Variants in TRPC4 observed in about 807,000 individuals in gnomAD.
TRPC4 encodes short transient receptor potential channel 4.
Under a neutral mutation model 99.4 loss-of-function variants are expected in TRPC4, and 49 were observed. The ratio of observed to expected loss-of-function variants is 0.49; its 90% CI spans 0.39 to 0.63. The LOEUF is 0.63. Among genes scored for constraint, TRPC4 ranks in the 20% least tolerant of loss-of-function variants. The probability of loss-of-function intolerance (pLI) is 0.00; values close to 1 mark genes in which losing one functional copy is unlikely to be tolerated. For synonymous variants in TRPC4, 454 were observed against 425.9 expected (o/e 1.07, Z -0.81); for missense variants, 898 against 1,152.9 (o/e 0.78, Z 3.20).
intron 3 of TRPC4, among the ~76,000 whole-genome samples, chr13:37,727,720 A>G (rs938449605): frequency 6.6e-6 from 1 of 152,044 alleles, no homozygotes; most frequent in East Asian, 1.9e-4. Context: ...TGAAAACACT[A>G]CTACTAATTC....
At position 37,637,330 on chromosome 13, in the gene TRPC4, A is replaced by T; in HGVS notation, c.2507T>A (p.Val836Glu). ...GTTTTTGATATCGGTCACAAAATTC[A>T]CTTTTCTCTGCTTCTCCCTGGGCGG... ...QEPPREKQRK[V>E]NFVTDIKNFG... Residue 836 changes from valine to glutamate, a missense_variant, in exon 11 of 11, where the codon GTG (valine) becomes GAG (glutamate). Coordinates refer to ENST00000379705, the MANE Select transcript of TRPC4 (RefSeq NM_016179.4). The T allele has an allele frequency of 1.2e-6, 2 of 1,613,748 alleles. No homozygotes were observed. Among genetic ancestry groups the T allele is most frequent in the East Asian group, 2.2e-5 (1 of 44,872 alleles).
At chr13:37,703,767 A>AGTTTG (rs1230259629) in intron 3 of TRPC4, among the ~76,000 whole-genome samples, 1 of 152,172 alleles carries the variant, frequency 6.6e-6, no homozygotes, top group African/African-American at 2.4e-5. Context: ...AAGAGTTTGC[A>AGTTTG]GTTTGGTTTG....
chr13:37,857,175 A>C (rs1246497298), intron 1 of TRPC4, among the ~76,000 whole-genome samples: 4 of 151,742 alleles, frequency 2.6e-5, no homozygotes, highest in Non-Finnish European at 5.9e-5. Flanking sequence ...CCCATTTACA[A>C]TAGCCACACA....
Position 37,678,560 on chromosome 13 carries a change from A to G in TRPC4, c.1235-4193T>C, listed in dbSNP as rs1390985185. Among the ~76,000 whole-genome samples the G allele has an allele frequency of 2.6e-5, 4 of 152,072 alleles. 1 individual carries two copies. The highest frequency in any genetic ancestry group is 2.6e-4 in the Admixed American group (4 of 15,264). On this transcript the variant is annotated intron_variant, in intron 4 of 10. Transcript: ENST00000379705. ...AACTTTAAAACTCACTCAAGAGGAC[A>G]TAAAGCAACCTGAATAGTCCTATAG...
At chr13:37,704,814 A>AT (rs765315560) in intron 3 of TRPC4, among the ~76,000 whole-genome samples, 84 of 152,200 alleles carry the variant, frequency 5.5e-4, no homozygotes, top group Non-Finnish European at 9.6e-4. Context: ...CTTAATTATC[A>AT]TGGCATATCA....
At chr13:37,781,359 A>G (rs1327651461) in intron 2 of TRPC4, among the ~76,000 whole-genome samples, 2 of 152,094 alleles carry the variant, frequency 1.3e-5, no homozygotes, top group Non-Finnish European at 2.9e-5. Flanking sequence ...TGTACAATAT[A>G]ATATCATTGC....
chr13:37,807,643 C>G (rs1260577545), intron 1 of TRPC4, among the ~76,000 whole-genome samples: 1 of 152,016 alleles, frequency 6.6e-6, no homozygotes, highest in Non-Finnish European at 1.5e-5. Context: ...TCTGGACCCA[C>G]TCTAAAGCAT....
At chr13:37,790,379 C>T (rs1405768333) in intron 1 of TRPC4, among the ~76,000 whole-genome samples, 1 of 152,208 alleles carries the variant, frequency 6.6e-6, no homozygotes, top group East Asian at 1.9e-4. Flanking sequence ...GCACATCCCC[C>T]ATGAGACTGC....
chr13:37,769,764 A>G (rs1277872506), intron 2 of TRPC4, among the ~76,000 whole-genome samples: 3 of 151,518 alleles, frequency 2.0e-5, no homozygotes, highest in Non-Finnish European at 4.4e-5. Context: ...GCATCAGCAT[A>G]TTTTAAGTCT....
intron 1 of TRPC4, among the ~76,000 whole-genome samples, chr13:37,789,240 A>G (rs960854658): frequency 6.6e-6 from 1 of 152,018 alleles, no homozygotes; most frequent in Admixed American, 6.6e-5. Flanking sequence ...AAAATACCAA[A>G]CTACTTGGCT....
chr13:37,654,069 A>T (rs954895563), intron 7 of TRPC4, among the ~76,000 whole-genome samples: 2 of 152,150 alleles, frequency 1.3e-5, no homozygotes, highest in African/African-American at 4.8e-5. Context: ...TAGTCTGTGA[A>T]TCAATAAATA....
chr13:37,647,070 A>T (rs565625833), intron 8 of TRPC4, among the ~76,000 whole-genome samples: 4 of 152,320 alleles, frequency 2.6e-5, no homozygotes, highest in Admixed American at 1.3e-4. Context: ...TTTCAGAGCT[A>T]GTTGTATCAG....
chr13:37,787,741 T>TCAA (rs1240519155), intron 1 of TRPC4, among the ~76,000 whole-genome samples: 2 of 152,030 alleles, frequency 1.3e-5, no homozygotes, highest in African/African-American at 4.8e-5. Context: ...ATTACATTAC[T>TCAA]CAACAACAAC....
At chr13:37,768,315 AT>A (rs2139277486) in intron 2 of TRPC4, among the ~76,000 whole-genome samples, 1 of 151,642 alleles carries the variant, frequency 6.6e-6, no homozygotes, top group South Asian at 2.1e-4. Context: ...ACTTGGAAAA[AT>A]TCTAGGAATT....
chr13:37,706,781 A>G (rs897536386), intron 3 of TRPC4, among the ~76,000 whole-genome samples: 92 of 152,210 alleles, frequency 6.0e-4, no homozygotes, highest in African/African-American at 2.1e-3. Flanking sequence ...TTTCTTGGAA[A>G]GTACATCTTT....
chr13:37,837,523 C>T (rs958351971), intron 1 of TRPC4, among the ~76,000 whole-genome samples: 1 of 152,202 alleles, frequency 6.6e-6, no homozygotes, highest in East Asian at 1.9e-4. Flanking sequence ...TTTGACTGCT[C>T]CACTGGATTT....
At chr13:37,735,539 T>C (rs762766672) in intron 3 of TRPC4, among the ~76,000 whole-genome samples, 18 of 152,294 alleles carry the variant, frequency 1.2e-4, no homozygotes, top group Admixed American at 1.1e-3. Context: ...TTCTCCATCA[T>C]TGACAAACTA....
chr13:37,721,476 A>C (rs1400103731), intron 3 of TRPC4, among the ~76,000 whole-genome samples: 1 of 152,090 alleles, frequency 6.6e-6, no homozygotes, highest in African/African-American at 2.4e-5. Flanking sequence ...TTTTAGTAGA[A>C]TATTGCAAAG....
intron 7 of TRPC4, among the ~76,000 whole-genome samples, chr13:37,654,066 T>C (rs1373942118): frequency 6.6e-6 from 1 of 152,154 alleles, no homozygotes; most frequent in Non-Finnish European, 1.5e-5. Context: ...CTTTAGTCTG[T>C]GAATCAATAA....
Sources: gnomAD v4.1 joint callset for allele counts (sites outside exome capture counted in the v4.1 genomes callset) on GRCh38, gnomAD v4.1.1 for gene constraint, MANE v1.5 for transcripts, NCBI Gene and HGNC (gene_info 2026-07-23, HGNC 2026-07-21) for gene names.